SSH2: variants seen among roughly 807,000 people sequenced by gnomAD.
SSH2 encodes slingshot protein phosphatase 2.
A neutral mutation model predicts 135.2 loss-of-function variants in SSH2; 37 were observed. That is an observed-to-expected ratio of 0.27 (90% CI 0.21 to 0.36). The LOEUF (loss-of-function observed/expected upper bound fraction) is 0.36. SSH2 is among the 10% of genes least tolerant of loss of function. The pLI is 1.00. For missense variants in SSH2, 1,408 were observed against 1,765.3 expected (o/e 0.80, Z 3.63); for synonymous variants, 628 against 646.2 (o/e 0.97, Z 0.43).
At chr17:29,841,179 A>T (rs1286093922) in intron 2 of SSH2, among the ~76,000 whole-genome samples, 1 of 152,180 alleles carries the variant, frequency 6.6e-6, no homozygotes, top group Non-Finnish European at 1.5e-5. Context: ...CCATTTCCTG[A>T]TCTAGGTACA....
chr17:29,917,203 A>G (rs1298344333), intron 1 of SSH2, among the ~76,000 whole-genome samples: 1 of 152,150 alleles, frequency 6.6e-6, no homozygotes, highest in Non-Finnish European at 1.5e-5. Flanking sequence ...ATCATTCAGT[A>G]GAAAAAAAAA....
intron 14 of SSH2, chr17:29,647,901 G>T: frequency 2.3e-6 from 1 of 434,974 alleles, no homozygotes; most frequent in South Asian, 2.4e-5. Context: ...GACCTCAAAT[G>T]ATCCGCTTGC....
chr17:29,756,209 G>A (rs2041115028), intron 3 of SSH2, among the ~76,000 whole-genome samples: 1 of 150,820 alleles, frequency 6.6e-6, no homozygotes, highest in Non-Finnish European at 1.5e-5. Flanking sequence ...GGGGGCGGAG[G>A]TTGCGGTGAG....
chr17:29,928,940 T>G (rs2067122023), intron 1 of SSH2, among the ~76,000 whole-genome samples: 1 of 152,236 alleles, frequency 6.6e-6, no homozygotes, highest in South Asian at 2.1e-4. Context: ...TTTTCCCAGT[T>G]GCTCGCATTT....
chr17:29,813,579 A>T (rs2042488015), intron 2 of SSH2, among the ~76,000 whole-genome samples: 1 of 152,220 alleles, frequency 6.6e-6, no homozygotes, highest in South Asian at 2.1e-4. Context: ...GCACTTTGGG[A>T]GGCCGAGGCG....
chr17:29,651,671 A>C (rs1307106125), intron 12 of SSH2, among the ~76,000 whole-genome samples: 1 of 152,222 alleles, frequency 6.6e-6, no homozygotes, highest in East Asian at 1.9e-4. Flanking sequence ...ACAAATGTGA[A>C]GTTCCATAAA....
chr17:29,761,089 G>C (rs528013528), intron 3 of SSH2: 5 of 1,284,094 alleles, frequency 3.9e-6, no homozygotes, highest in South Asian at 3.7e-5. Context: ...GGGGAAAGCG[G>C]CTGCTGAAAG....
rs1481617285 is a variant in SSH2, at chr17:29,636,053, A to C, written c.2177T>G (p.Val726Gly). 1 of 1,614,200 alleles carries C rather than the reference A, an allele frequency of 6.2e-7. No individual in the cohort carries two copies. The highest frequency in any genetic ancestry group is 1.7e-5 in the Admixed American group (1 of 60,024). ...LSVVEVAPSK[V>G]TADDQRSSSL... is the part of the protein sequence containing the mutation. ...GCTGCTTCTCTGGTCATCAGCTGTC[A>C]CTTTGGAAGGGGCTACTTCTACCAC... Residue 726 changes from valine to glycine, a missense_variant, in exon 15 of 16, where the codon GTG becomes GGG. Val to Gly is a moderately radical substitution (Grantham distance 109). Coordinates refer to ENST00000540801, the MANE Select transcript of SSH2 (RefSeq NM_001282129.2).
chr17:29,654,663 T>G (rs1264574825), intron 12 of SSH2, among the ~76,000 whole-genome samples: 1 of 152,214 alleles, frequency 6.6e-6, no homozygotes, highest in Non-Finnish European at 1.5e-5. Flanking sequence ...TTAGTAGGCA[T>G]CAGCTAAGGG....
In SSH2 at chr17:29,627,055, T is replaced by A. The variant is rs989516786; in HGVS notation, c.*3786A>T. 1 of 152,450 alleles carries A rather than the reference T, an allele frequency of 6.6e-6. No homozygotes were observed. The highest frequency in any genetic ancestry group is 2.4e-5 in the African/African-American group (1 of 41,456). The allele number at this position is 152,450 out of a possible 1,614,324, so 9.4% of individuals were successfully genotyped here. ...ACAGACGGAAGTCAGCTTCAGCGTATACCCACTTACTCACAAGGGCTGACC... is the reference window on the plus strand; with the variant it reads ...ACAGACGGAAGTCAGCTTCAGCGTAAACCCACTTACTCACAAGGGCTGACC... On this transcript the variant is annotated 3_prime_UTR_variant, in exon 16 of 16. Transcript: ENST00000540801.
At chr17:29,785,195 G>A (rs532609840) in intron 3 of SSH2, among the ~76,000 whole-genome samples, 1 of 152,100 alleles carries the variant, frequency 6.6e-6, no homozygotes, top group Non-Finnish European at 1.5e-5. Context: ...TATATTATAT[G>A]TATTGCTGGA....
At chr17:29,691,565 A>T (rs1326024996) in intron 5 of SSH2, among the ~76,000 whole-genome samples, 1 of 151,088 alleles carries the variant, frequency 6.6e-6, no homozygotes, top group East Asian at 2.0e-4. Flanking sequence ...ATCTCGGCTC[A>T]CTGAAAGCTC....
intron 2 of SSH2, among the ~76,000 whole-genome samples, chr17:29,810,754 C>T (rs914130988): frequency 2.0e-5 from 3 of 152,164 alleles, no homozygotes; most frequent in African/African-American, 7.2e-5. Context: ...GTGAGAATCT[C>T]ATCTTTTAAT....
intron 12 of SSH2, among the ~76,000 whole-genome samples, chr17:29,653,730 G>A (rs927998785): frequency 3.3e-5 from 5 of 152,094 alleles, no homozygotes; most frequent in African/African-American, 7.2e-5. Context: ...GGGATTACAG[G>A]TGCCTGCCAT....
chr17:29,744,380 G>A (rs2151215231), intron 3 of SSH2, among the ~76,000 whole-genome samples: 1 of 152,296 alleles, frequency 6.6e-6, no homozygotes, highest in Middle Eastern at 3.4e-3. Flanking sequence ...GCTGGTCCCG[G>A]CGTGTATTAG....
intron 3 of SSH2, among the ~76,000 whole-genome samples, chr17:29,765,758 G>T (rs2041428505): frequency 6.6e-6 from 1 of 151,996 alleles, no homozygotes; most frequent in South Asian, 2.1e-4. Context: ...GGTGGCTTAT[G>T]CCTGTAATGT....
chr17:29,750,453 AT>A lies in SSH2; in HGVS notation c.188+43440del, dbSNP rs200840483. 1.2e-3 allele frequency among the ~76,000 whole-genome samples: 182 copies of A among 149,026 alleles called. 1 individual carries two copies. The highest frequency in any genetic ancestry group is 4.0e-3 in the African/African-American group (158 of 39,544). ...GACTCTGTCTCAAAAAAAAAAAAAA[AT>A]TTTTTTTTAAATAAATAAAAATAAA... is the stretch of plus-strand genomic sequence containing the variant. On this transcript the variant is annotated intron_variant, in intron 3 of 15. Transcript: ENST00000540801.
At chr17:29,723,943 C>T (rs2039903415) in intron 3 of SSH2, among the ~76,000 whole-genome samples, 2 of 152,138 alleles carry the variant, frequency 1.3e-5, no homozygotes, top group Admixed American at 6.5e-5. Context: ...ATACATCTAC[C>T]TTCTGGGCAA....
At chr17:29,786,100 G>C (rs1009564701) in intron 3 of SSH2, among the ~76,000 whole-genome samples, 65 of 152,330 alleles carry the variant, frequency 4.3e-4, no homozygotes, top group African/African-American at 1.5e-3. Flanking sequence ...CGCCGCGCCC[G>C]GCCCTGTTTA....
Sources: gnomAD v4.1 joint callset for allele counts (sites outside exome capture counted in the v4.1 genomes callset) on GRCh38, gnomAD v4.1.1 for gene constraint, MANE v1.5 for transcripts, NCBI Gene and HGNC (gene_info 2026-07-23, HGNC 2026-07-21) for gene names.